KCNQ3: variants seen among roughly 807,000 people sequenced by gnomAD.
KCNQ3 encodes potassium voltage-gated channel subfamily Q member 3, also known as potassium voltage-gated channel subfamily KQT member 3.
KCNQ3 carries 30 observed loss-of-function variants against 92.5 expected under a neutral mutation model. That is an observed-to-expected ratio of 0.32 (90% CI 0.24 to 0.44). The LOEUF (loss-of-function observed/expected upper bound fraction) is 0.44. KCNQ3 is among the 20% of genes least tolerant of loss of function. KCNQ3 has a pLI of 1.00. For synonymous variants in KCNQ3, 450 were observed against 468.8 expected, an observed-to-expected ratio of 0.96 and a Z score of 0.52; for missense variants, 913 against 1,140.3, an observed-to-expected ratio of 0.80 and a Z score of 2.87.
intron 1 of KCNQ3, among the ~76,000 whole-genome samples, chr8:132,191,951 G>A (rs1180687614): frequency 6.6e-6 from 1 of 152,242 alleles, no homozygotes; most frequent in East Asian, 1.9e-4. Flanking sequence ...CAGCAGGACC[G>A]CGAAGATAAG....
At position 132,480,454 on chromosome 8, in the gene KCNQ3, T is replaced by G; in HGVS notation, c.79A>C (p.Asn27His). 1 of 1,312,160 alleles carries G rather than the reference T, an allele frequency of 7.6e-7. No homozygotes were observed. Among genetic ancestry groups the G allele is most frequent in the Non-Finnish European group, 9.7e-7 (1 of 1,033,334 alleles). The allele number at this position is 1,312,160 out of a possible 1,614,324, so 81.3% of individuals were successfully genotyped here. ...DGGGGGGGAA[N>H]PAGGDAAAAG... ...GCCGCCGCGTCCCCTCCGGCTGGGT[T>G]AGCCGCCCCGCCGCCTCCGCCGCCC... Residue 27 changes from asparagine (N) to histidine (H), a missense_variant, in exon 1 of 15, where the codon AAC becomes CAC. Asn to His is a moderately conservative substitution (Grantham distance 68, BLOSUM62 1). Around this residue, in one of 6 missense-constraint regions of KCNQ3, gnomAD observed 183 missense variants for 167.7 expected, o/e 1.09. Transcript: ENST00000388996.
chr8:132,269,759 G>A (rs16904642), intron 1 of KCNQ3, among the ~76,000 whole-genome samples: 15,859 of 152,140 alleles, frequency 0.1, 927 homozygotes, highest in South Asian at 0.16. Flanking sequence ...CTAAAGACAA[G>A]GGCCCAGTCT....
intron 9 of KCNQ3, among the ~76,000 whole-genome samples, chr8:132,158,419 A>T (rs1047009252): frequency 2.0e-5 from 3 of 152,142 alleles, no homozygotes; most frequent in Non-Finnish European, 4.4e-5. Flanking sequence ...ATGTTCTTTC[A>T]CACCACAGAT....
intron 1 of KCNQ3, among the ~76,000 whole-genome samples, chr8:132,412,726 A>C (rs1217673458): frequency 6.6e-6 from 1 of 151,838 alleles, no homozygotes; most frequent in African/African-American, 2.4e-5. Flanking sequence ...TAGCATGGCC[A>C]CCTCCCCTGC....
At chr8:132,136,563 A>G (rs1319050285) in intron 12 of KCNQ3, among the ~76,000 whole-genome samples, 2 of 152,218 alleles carry the variant, frequency 1.3e-5, no homozygotes, top group Non-Finnish European at 2.9e-5. Context: ...GATATGGGAA[A>G]GTGTGTGCAT....
chr8:132,411,337 T>C (rs1164158904), intron 1 of KCNQ3, among the ~76,000 whole-genome samples: 1 of 151,858 alleles, frequency 6.6e-6, no homozygotes, highest in East Asian at 1.9e-4. Flanking sequence ...CAGCAGTGAG[T>C]AGTGCAGTGG....
chr8:132,188,155 T>C lies in KCNQ3; in HGVS notation c.387-1974A>G, dbSNP rs953920420. On this transcript the variant is annotated intron_variant, in intron 1 of 14. Transcript: ENST00000388996. The stretch of plus-strand genomic sequence containing the variant: ...TTTTTATGTGATTTTGAGCAGCTCA[T>C]TGACTTGGCAGATCCCGGTCATCTC... 2.2e-4 allele frequency among the ~76,000 whole-genome samples: 33 copies of C among 152,288 alleles called. 1 individual carries two copies. Among genetic ancestry groups the C allele is most frequent in the Middle Eastern group, 3.4e-3 (1 of 294 alleles).
intron 1 of KCNQ3, among the ~76,000 whole-genome samples, chr8:132,431,758 G>A (rs541605971): frequency 2.0e-5 from 3 of 152,236 alleles, no homozygotes; most frequent in African/African-American, 4.8e-5. Flanking sequence ...TGTTTTCATC[G>A]TTCCCGCTGG....
At chr8:132,162,365 C>A (rs773348886) in intron 9 of KCNQ3, among the ~76,000 whole-genome samples, 1 of 152,166 alleles carries the variant, frequency 6.6e-6, no homozygotes, top group African/African-American at 2.4e-5. Context: ...AAGCAAAGAA[C>A]ACCCTGTTGG....
intron 1 of KCNQ3, among the ~76,000 whole-genome samples, chr8:132,221,821 T>TC (rs1219900171): frequency 6.6e-6 from 1 of 152,044 alleles, no homozygotes; most frequent in Non-Finnish European, 1.5e-5. Flanking sequence ...GGGGAAAGGA[T>TC]CCCCTATTTA....
intron 1 of KCNQ3, among the ~76,000 whole-genome samples, chr8:132,209,960 G>C (rs929384314): frequency 1.3e-5 from 2 of 152,168 alleles, no homozygotes; most frequent in African/African-American, 4.8e-5. Flanking sequence ...ATCTGTATAA[G>C]AGTCATGACT....
In KCNQ3 at chr8:132,230,517, A is replaced by C. The variant is rs1157036349; in HGVS notation, c.387-44336T>G. 8.5e-5 allele frequency among the ~76,000 whole-genome samples: 13 copies of C among 152,154 alleles called. 1 individual carries two copies. In the South Asian group the frequency reaches 2.7e-3, roughly 32 times the overall value. ...AACCTCTTACCATATTAAGTCACAG[A>C]AATTTTCTTGCAATGTGTCTTCCTG... On this transcript the variant is annotated intron_variant, in intron 1 of 14. Coordinates refer to ENST00000388996, the MANE Select transcript of KCNQ3 (RefSeq NM_004519.4).
chr8:132,175,366 G>T, intron 5 of KCNQ3, 87 bp downstream of exon 5: 1 of 1,451,054 alleles, frequency 6.9e-7, no homozygotes, highest in Non-Finnish European at 9.7e-7. Flanking sequence ...CAGCTGCCTG[G>T]CTGAACATGC....
intron 13 of KCNQ3, among the ~76,000 whole-genome samples, chr8:132,133,185 A>G (rs1352896275): frequency 1.3e-5 from 2 of 152,140 alleles, no homozygotes; most frequent in Admixed American, 1.3e-4. Context: ...AAAAGAAGGT[A>G]GGGCGCTCAT....
At chr8:132,196,710 G>T (rs1827307553) in intron 1 of KCNQ3, among the ~76,000 whole-genome samples, 2 of 152,170 alleles carry the variant, frequency 1.3e-5, no homozygotes, top group South Asian at 2.1e-4. Flanking sequence ...TAAAGCAGAT[G>T]GTCCCCAAGG....
intron 1 of KCNQ3, among the ~76,000 whole-genome samples, chr8:132,194,650 C>T (rs949481427): frequency 9.9e-5 from 15 of 152,190 alleles, no homozygotes; most frequent in African/African-American, 3.6e-4. Context: ...ATTTGCCATT[C>T]CCTTGGAACC....
chr8:132,186,206 T>A, intron 1 of KCNQ3, 25 bp from the exon 2 acceptor site: 2 of 1,551,914 alleles, frequency 1.3e-6, no homozygotes, highest in Non-Finnish European at 1.8e-6. Context: ...AGAAATGGAC[T>A]AAGGAACCTT....
intron 1 of KCNQ3, among the ~76,000 whole-genome samples, chr8:132,320,153 C>A (rs1271794512): frequency 6.6e-6 from 1 of 152,120 alleles, no homozygotes; most frequent in African/African-American, 2.4e-5. Context: ...GTACAGTTCC[C>A]AGTTTCTAGA....
intron 10 of KCNQ3, chr8:132,140,759 T>C: frequency 3.3e-6 from 1 of 298,906 alleles, no homozygotes; most frequent in Non-Finnish European, 6.4e-6. Context: ...GGCGCTTTTC[T>C]GCCACTCTTC....
Sources: gnomAD v4.1 joint callset for allele counts (sites outside exome capture counted in the v4.1 genomes callset) on GRCh38, gnomAD v4.1.1 for gene constraint, gnomAD v4.1.1 regional missense constraint, MANE v1.5 for transcripts, NCBI Gene and HGNC (gene_info 2026-07-23, HGNC 2026-07-21) for gene names.